The following MARCHF1 variants were observed in gnomAD, a reference collection of about 807,000 sequenced individuals.
The protein encoded by MARCHF1 is E3 ubiquitin-protein ligase MARCHF1.
MARCHF1 carries 40 observed loss-of-function variants against 54.2 expected under a neutral mutation model. That is an observed-to-expected ratio of 0.74 (90% CI 0.57 to 0.96). MARCHF1 has a LOEUF of 0.96. Ranked by LOEUF, MARCHF1 falls within the 40% of genes least tolerant of loss-of-function variation. The pLI is 0.00. For synonymous variants in MARCHF1, 236 were observed against 236.3 expected (o/e 1.00, Z 0.01); for missense variants, 586 against 656.5 (o/e 0.89, Z 1.17).
At chr4:164,356,347 A>C (rs1208305113) in intron 1 of MARCHF1, among the ~76,000 whole-genome samples, 9 of 142,280 alleles carry the variant, frequency 6.3e-5, no homozygotes, top group South Asian at 2.3e-4. Context: ...TTCACAATAG[A>C]AAAGACTTGG....
intron 3 of MARCHF1, among the ~76,000 whole-genome samples, chr4:163,914,991 C>A (rs908091391): frequency 6.6e-6 from 1 of 152,048 alleles, no homozygotes; most frequent in Non-Finnish European, 1.5e-5. Flanking sequence ...GAGAAATAGG[C>A]AGGGGACAGA....
intron 3 of MARCHF1, among the ~76,000 whole-genome samples, chr4:163,891,663 T>C (rs1172628052): frequency 6.6e-6 from 1 of 152,140 alleles, no homozygotes; most frequent in Non-Finnish European, 1.5e-5. Flanking sequence ...TGTATCTCTT[T>C]CCCCCTGAAT....
chr4:163,765,578 G>A (rs1321866990), intron 4 of MARCHF1, among the ~76,000 whole-genome samples: 1 of 151,972 alleles, frequency 6.6e-6, no homozygotes, highest in Non-Finnish European at 1.5e-5. Context: ...TTTATAAATT[G>A]TGTGCTACAC....
At chr4:164,307,416 C>T (rs1269723242) in intron 1 of MARCHF1, among the ~76,000 whole-genome samples, 1 of 152,170 alleles carries the variant, frequency 6.6e-6, no homozygotes, top group Non-Finnish European at 1.5e-5. Context: ...TCTTCTGAGG[C>T]TGAAATAAAA....
intron 2 of MARCHF1, among the ~76,000 whole-genome samples, chr4:164,019,069 G>A (rs904510368): frequency 1.8e-4 from 28 of 152,144 alleles, no homozygotes; most frequent in African/African-American, 6.8e-4. Flanking sequence ...CTACATTTTG[G>A]TCTGCTGCCT....
intron 1 of MARCHF1, among the ~76,000 whole-genome samples, chr4:164,342,254 T>C (rs1291671565): frequency 6.6e-6 from 1 of 152,128 alleles, no homozygotes; most frequent in Non-Finnish European, 1.5e-5. Flanking sequence ...ACAACAATTA[T>C]ATGTATCACC....
chr4:164,335,349 G>A (rs1729702509), intron 1 of MARCHF1, among the ~76,000 whole-genome samples: 1 of 152,214 alleles, frequency 6.6e-6, no homozygotes, highest in Non-Finnish European at 1.5e-5. Context: ...TTGGGAGGCT[G>A]AGGTGGGCGG....
intron 8 of MARCHF1, among the ~76,000 whole-genome samples, chr4:163,560,929 A>T (rs1174787181): frequency 6.6e-6 from 1 of 152,170 alleles, no homozygotes. Flanking sequence ...AGATTCCATC[A>T]TATTTTCTAC....
chr4:164,339,931 A>C (rs1729864644), intron 1 of MARCHF1, among the ~76,000 whole-genome samples: 2 of 152,210 alleles, frequency 1.3e-5, no homozygotes, highest in African/African-American at 4.8e-5. Context: ...ATTATTAACA[A>C]TAACATGCCA....
chr4:164,378,673 C>A (rs935449491), intron 1 of MARCHF1, among the ~76,000 whole-genome samples: 3 of 152,158 alleles, frequency 2.0e-5, no homozygotes, highest in African/African-American at 4.8e-5. Context: ...AATGTTGATA[C>A]TTCTTTGGGG....
intron 2 of MARCHF1, among the ~76,000 whole-genome samples, chr4:163,999,724 C>T (rs1259240274): frequency 6.6e-6 from 1 of 151,186 alleles, no homozygotes; most frequent in Non-Finnish European, 1.5e-5. Context: ...TCATATCTGC[C>T]AAATAATGTA....
At chr4:163,885,824 C>A (rs971600648) in intron 3 of MARCHF1, among the ~76,000 whole-genome samples, 3 of 151,504 alleles carry the variant, frequency 2.0e-5, no homozygotes, top group Non-Finnish European at 4.4e-5. Context: ...GTAATCCCAG[C>A]ACTTTGGGAG....
At chr4:164,116,781 A>G (rs1192229111) in intron 1 of MARCHF1, among the ~76,000 whole-genome samples, 1 of 152,046 alleles carries the variant, frequency 6.6e-6, no homozygotes, top group Non-Finnish European at 1.5e-5. Flanking sequence ...GTGTGTGTGT[A>G]TGCATACCAT....
intron 1 of MARCHF1, among the ~76,000 whole-genome samples, chr4:164,333,557 G>T (rs1729631428): frequency 6.6e-6 from 1 of 152,190 alleles, no homozygotes; most frequent in Admixed American, 6.5e-5. Flanking sequence ...ATAAGATGGT[G>T]AACTTAATCA....
chr4:163,609,514 C>T (rs1741253716), intron 7 of MARCHF1, among the ~76,000 whole-genome samples: 3 of 151,888 alleles, frequency 2.0e-5, no homozygotes, highest in African/African-American at 7.3e-5. Flanking sequence ...AGGATAGTTC[C>T]ATCTCCTAAA....
chr4:164,140,237 C>CTATATAT (rs1181636350), intron 1 of MARCHF1, among the ~76,000 whole-genome samples: 1 of 62,214 alleles, frequency 1.6e-5, no homozygotes, highest in Non-Finnish European at 4.3e-5. Flanking sequence ...CATACACACA[C>CTATATAT]ACTATATATA....
At chr4:163,895,167 A>G (rs1560808388) in intron 3 of MARCHF1, among the ~76,000 whole-genome samples, 1 of 152,314 alleles carries the variant, frequency 6.6e-6, no homozygotes, top group Middle Eastern at 3.4e-3. Context: ...GTATGTGTGT[A>G]TAACAATGCA....
intron 5 of MARCHF1, among the ~76,000 whole-genome samples, chr4:163,651,243 G>A (rs900202717): frequency 4.6e-5 from 7 of 152,008 alleles, no homozygotes; most frequent in Non-Finnish European, 1.0e-4. Context: ...GCTAGTCTGT[G>A]TACTTACAAA....
At chr4:163,731,047 A>T (rs1214223785) in intron 4 of MARCHF1, among the ~76,000 whole-genome samples, 1 of 152,198 alleles carries the variant, frequency 6.6e-6, no homozygotes, top group Non-Finnish European at 1.5e-5. Flanking sequence ...CAGTTAAATG[A>T]CTTAAGGATA....
Sources: gnomAD v4.1 joint callset for allele counts (sites outside exome capture counted in the v4.1 genomes callset) on GRCh38, gnomAD v4.1.1 for gene constraint, MANE v1.5 for transcripts, NCBI Gene and HGNC (gene_info 2026-07-23, HGNC 2026-07-21) for gene names.